The following COL5A2 variants were observed in gnomAD, a reference collection of about 807,000 sequenced individuals.
COL5A2 encodes collagen type V alpha 2 chain, also known as collagen alpha-2(V) chain.
A neutral mutation model predicts 208.2 loss-of-function variants in COL5A2; 23 were observed. The observed-to-expected ratio is 0.11, with a 90% CI of 0.08 to 0.16. The LOEUF (loss-of-function observed/expected upper bound fraction) is 0.16, where lower values mean the gene tolerates loss of function less well. COL5A2 is among the 10% of genes least tolerant of loss of function. The pLI is 1.00. For synonymous variants in COL5A2, 625 were observed against 628.5 expected, an observed-to-expected ratio of 0.99 and a Z score of 0.08; for missense variants, 1,590 against 1,956.4, an observed-to-expected ratio of 0.81 and a Z score of 3.53.
In COL5A2 at chr2:189,213,231, T is replaced by C. The variant is rs528621986; in HGVS notation, c.-42+11917A>G. Among the ~76,000 whole-genome samples, 9 of 152,180 alleles carry C rather than the reference T, an allele frequency of 5.9e-5. No homozygotes were observed. The South Asian group carries it at 1.7e-3, about 28-fold the overall frequency. The stretch of plus-strand genomic sequence containing the variant: ...AAAAATCTTAAAGGGGGGAGTTGTA[T>C]AAAAAGTTAGAAAAATCATCTGAAC... On this transcript the variant is annotated intron_variant, in intron 1 of 10. Transcript: ENST00000649966.
chr2:189,057,339 G>A lies in COL5A2; in HGVS notation c.2318C>T (p.Pro773Leu). The A allele has an allele frequency of 6.3e-7, 1 of 1,591,334 alleles. No homozygotes were observed. The highest frequency in any genetic ancestry group is 8.6e-7 in the Non-Finnish European group (1 of 1,162,624). Residue 773 changes from proline to leucine, a missense_variant, in exon 34 of 54, where the codon CCT becomes CTT. By Grantham distance (98) the Pro-to-Leu change is moderately conservative. Coordinates refer to ENST00000374866, the MANE Select transcript of COL5A2 (RefSeq NM_000393.5). ...ACTTACTCTGTCACCCTTGGGGCCA[G>A]GAGTTCCTGCAATTCCTCTTTCTCC... ...MPGERGIAGT[P>L]GPKGDRGGIG... is the part of the protein sequence containing the mutation.
chr2:189,139,610 A>G (rs1028560442), intron 1 of COL5A2, among the ~76,000 whole-genome samples: 9 of 152,210 alleles, frequency 5.9e-5, no homozygotes, highest in Non-Finnish European at 1.2e-4. Context: ...AAATCTAACT[A>G]AAGTATGACT....
chr2:189,255,051 C>A, the COL5A2 span, among the ~76,000 whole-genome samples: 1 of 152,194 alleles, frequency 6.6e-6, no homozygotes, highest in African/African-American at 2.4e-5. Flanking sequence ...ACGGCAAAAG[C>A]AATGTATCAC....
intron 30 of COL5A2, 61 bp from the exon 31 acceptor site, chr2:189,060,844 T>C (rs1475208141): frequency 1.6e-6 from 2 of 1,234,480 alleles, no homozygotes; most frequent in African/African-American, 1.5e-5. Context: ...GCTACCAGTG[T>C]TAACAGTTTA....
chr2:189,066,094 A>G (rs2105598531), intron 23 of COL5A2, among the ~76,000 whole-genome samples: 1 of 152,358 alleles, frequency 6.6e-6, no homozygotes, highest in Non-Finnish European at 1.5e-5. Context: ...CCACTAAAAT[A>G]AACAACTATT....
At chr2:189,175,837 G>A (rs1327690268) in intron 1 of COL5A2, among the ~76,000 whole-genome samples, 1 of 152,180 alleles carries the variant, frequency 6.6e-6, no homozygotes, top group Non-Finnish European at 1.5e-5. Context: ...ACAGGCATGA[G>A]CCACTGCGCC....
the COL5A2 span, among the ~76,000 whole-genome samples, chr2:189,429,592 TTG>T: frequency 6.6e-6 from 1 of 152,226 alleles, no homozygotes; most frequent in South Asian, 2.1e-4. Flanking sequence ...ACTATATCTC[TTG>T]TAGCAACTCC....
At chr2:189,304,943 T>C in the COL5A2 span, among the ~76,000 whole-genome samples, 3 of 152,100 alleles carry the variant, frequency 2.0e-5, no homozygotes, top group Non-Finnish European at 4.4e-5. Context: ...ATAAATAATA[T>C]GAGTAAGTCA....
At chr2:189,363,209 TA>T in the COL5A2 span, among the ~76,000 whole-genome samples, 3 of 152,134 alleles carry the variant, frequency 2.0e-5, no homozygotes, top group Middle Eastern at 3.2e-3. Flanking sequence ...CAAATACAAT[TA>T]GTAATGGTGA....
At chr2:189,122,956 G>T (rs1687536102) in intron 1 of COL5A2, among the ~76,000 whole-genome samples, 1 of 116,040 alleles carries the variant, frequency 8.6e-6, no homozygotes, top group South Asian at 3.9e-4. Context: ...GTTTGGGTGG[G>T]ATAAAGTATT....
intron 1 of COL5A2, among the ~76,000 whole-genome samples, chr2:189,224,217 A>G (rs1689383350): frequency 6.6e-6 from 1 of 152,142 alleles, no homozygotes; most frequent in Admixed American, 6.6e-5. Flanking sequence ...GTCAAAAATT[A>G]AACACAACCA....
intron 11 of COL5A2, among the ~76,000 whole-genome samples, chr2:189,084,802 C>G (rs1686614659): frequency 6.6e-6 from 1 of 152,182 alleles, no homozygotes; most frequent in Non-Finnish European, 1.5e-5. Flanking sequence ...AATAAGACCT[C>G]ATAATGATGT....
intron 1 of COL5A2, among the ~76,000 whole-genome samples, chr2:189,117,376 C>T (rs184264676): frequency 4.6e-5 from 7 of 152,212 alleles, no homozygotes; most frequent in African/African-American, 1.4e-4. Flanking sequence ...TATAGCCAAC[C>T]TTAGTTCTAA....
intron 16 of COL5A2, among the ~76,000 whole-genome samples, chr2:189,077,959 T>C (rs1686447132): frequency 6.6e-6 from 1 of 152,184 alleles, no homozygotes; most frequent in African/African-American, 2.4e-5. Context: ...GCGAAAAGAA[T>C]AATTAGAATA....
the COL5A2 span, among the ~76,000 whole-genome samples, chr2:189,334,297 A>G: frequency 6.6e-6 from 1 of 152,050 alleles, no homozygotes; most frequent in East Asian, 1.9e-4. Flanking sequence ...AATATTGGAA[A>G]GAAAGTGAAA....
the COL5A2 span, among the ~76,000 whole-genome samples, chr2:189,238,549 T>C: frequency 6.6e-6 from 1 of 152,108 alleles, no homozygotes; most frequent in Non-Finnish European, 1.5e-5. Flanking sequence ...ATTTTCATAC[T>C]GCTATAAAGA....
chr2:189,174,583 T>C (rs1688641834), intron 1 of COL5A2, among the ~76,000 whole-genome samples: 3 of 152,218 alleles, frequency 2.0e-5, no homozygotes, highest in Admixed American at 6.5e-5. Flanking sequence ...TTCACCAATG[T>C]AAATCAGAGT....
At chr2:189,245,450 T>A in the COL5A2 span, among the ~76,000 whole-genome samples, 1 of 151,978 alleles carries the variant, frequency 6.6e-6, no homozygotes, top group Non-Finnish European at 1.5e-5. Flanking sequence ...CTATATCTGT[T>A]TTATTTTAAG....
chr2:189,323,189 T>G, the COL5A2 span, among the ~76,000 whole-genome samples: 4 of 152,086 alleles, frequency 2.6e-5, no homozygotes, highest in African/African-American at 7.2e-5. Flanking sequence ...TAAGAGCTAT[T>G]TATGACAAAC....
Sources: allele counts gnomAD v4.1 joint callset (sites outside exome capture counted in the v4.1 genomes callset), GRCh38; gene constraint gnomAD v4.1.1; transcripts MANE v1.5; gene names NCBI Gene and HGNC (gene_info 2026-07-23, HGNC 2026-07-21).